EFCAB3: variants seen among roughly 807,000 people sequenced by gnomAD.
EFCAB3 encodes EF-hand calcium-binding domain-containing protein 3.
In EFCAB3, 36 loss-of-function variants were observed where a neutral mutation model predicts 42.2. That is an observed-to-expected ratio of 0.85 (90% CI 0.65 to 1.13). EFCAB3 has a LOEUF of 1.13. Among genes scored for constraint, EFCAB3 ranks in the 50% most tolerant of loss-of-function variants. The pLI, the probability that EFCAB3 is intolerant of heterozygous loss-of-function variation, is 0.00. For missense variants in EFCAB3, 418 were observed against 505.1 expected (o/e 0.83, Z 1.65); for synonymous variants, 170 against 172.8 (o/e 0.98, Z 0.13).
intron 3 of EFCAB3, among the ~76,000 whole-genome samples, chr17:62,389,639 C>T (rs889101423): frequency 9.2e-5 from 14 of 151,950 alleles, no homozygotes; most frequent in African/African-American, 3.4e-4. Context: ...TTCCGTAGAC[C>T]CTCACCTCCA....
Position 62,407,372 on chromosome 17 carries a change from T to C in EFCAB3, c.867+160T>C, listed in dbSNP as rs564762145. On this transcript the variant is annotated intron_variant, in intron 8 of 9. Transcript: ENST00000305286. ...AAATTTAAGTCCAGGTATTAACATT[T>C]CATTTAATTTCAACAAATAGGTAAA... 2.6e-5 allele frequency among the ~76,000 whole-genome samples: 4 copies of C among 152,320 alleles called. No homozygotes were observed. The East Asian group carries it at 7.7e-4, about 29-fold the overall frequency.
At chr17:62,403,948 C>A (rs1191867560) in intron 6 of EFCAB3, among the ~76,000 whole-genome samples, 1 of 152,162 alleles carries the variant, frequency 6.6e-6, no homozygotes, top group African/African-American at 2.4e-5. Context: ...CTGTGCCCAG[C>A]CCTCATCTCT....
chr17:62,383,592 G>T (rs183650520), intron 2 of EFCAB3, among the ~76,000 whole-genome samples: 37 of 152,258 alleles, frequency 2.4e-4, no homozygotes, highest in African/African-American at 7.2e-4. Flanking sequence ...GAATTGAAGA[G>T]AAATATTTTT....
rs200416285 is a variant in EFCAB3, at chr17:62,391,870, T to C, written c.200T>C (p.Ile67Thr). ...TTCTACAAGGACAAAACTGGCTGTA[T>C]TGATTTCCATGGACTGATGTGCACT... is the stretch of plus-strand genomic sequence containing the variant. The part of the protein sequence containing the change: ...NFFYKDKTGC[I>T]DFHGLMCTVA... Residue 67 changes from isoleucine to threonine, a missense_variant, in exon 4 of 10, where the codon ATT becomes ACT. Ile to Thr is a moderately conservative substitution (Grantham distance 89). Coordinates refer to ENST00000305286, the MANE Select transcript of EFCAB3 (RefSeq NM_173503.4). The C allele has an allele frequency of 6.8e-5, 109 of 1,613,752 alleles. No individual in the cohort carries two copies. The highest frequency in any genetic ancestry group is 2.7e-5 in the Non-Finnish European group (32 of 1,179,884).
At chr17:62,382,056 A>G in intron 1 of EFCAB3, 2 of 187,906 alleles carry the variant, frequency 1.1e-5, no homozygotes. Context: ...ACACATCCAA[A>G]AACAAAAACA....
chr17:62,378,089 C>T, upstream of EFCAB3: 1 of 1,266,722 alleles, frequency 7.9e-7, no homozygotes, highest in Non-Finnish European at 1.1e-6. Flanking sequence ...TTTTTTAATA[C>T]CTTAGTTACT....
intron 2 of EFCAB3, among the ~76,000 whole-genome samples, chr17:62,384,978 C>T (rs2070236095): frequency 6.6e-6 from 1 of 152,132 alleles, no homozygotes; most frequent in Admixed American, 6.5e-5. Context: ...GTTCTGAGCA[C>T]ATTTAAGGTA....
upstream of EFCAB3, chr17:62,377,917 T>C (rs897261531): frequency 1.4e-6 from 2 of 1,454,178 alleles, no homozygotes; most frequent in Non-Finnish European, 1.9e-6. Flanking sequence ...TAGTCTACTT[T>C]CCATAACTTC....
chr17:62,371,385 T>A (rs576237740), intron 1 of EFCAB3, among the ~76,000 whole-genome samples: 2 of 149,636 alleles, frequency 1.3e-5, no homozygotes, highest in Non-Finnish European at 3.0e-5. Flanking sequence ...TGAAACCCCG[T>A]CTCTACTAAA....
At chr17:62,382,560 G>GT (rs1230193985) in intron 1 of EFCAB3, among the ~76,000 whole-genome samples, 1 of 152,082 alleles carries the variant, frequency 6.6e-6, no homozygotes, top group Non-Finnish European at 1.5e-5. Flanking sequence ...TTCAAACTTT[G>GT]TATCACCAAC....
At chr17:62,409,401 G>A (rs1318291618) in intron 8 of EFCAB3, among the ~76,000 whole-genome samples, 26 of 152,048 alleles carry the variant, frequency 1.7e-4, no homozygotes, top group Admixed American at 1.6e-3. Flanking sequence ...TGGGTGCAAT[G>A]GTACATACCC....
intron 1 of EFCAB3, among the ~76,000 whole-genome samples, chr17:62,370,656 C>CA (rs557238237): frequency 0.04 from 5,502 of 137,982 alleles, 148 homozygotes; most frequent in Non-Finnish European, 0.056. Flanking sequence ...AACTCTGTCT[C>CA]AAAAAAAAAA....
intron 1 of EFCAB3, chr17:62,381,538 G>A (rs2070198892): frequency 6.5e-6 from 1 of 154,488 alleles, no homozygotes; most frequent in African/African-American, 2.4e-5. Flanking sequence ...GGGGTCTAGG[G>A]TAGCAGAACT....
At chr17:62,387,934 G>C (rs375994958) in intron 3 of EFCAB3, among the ~76,000 whole-genome samples, 90 of 152,310 alleles carry the variant, frequency 5.9e-4, no homozygotes, top group Middle Eastern at 6.8e-3. Context: ...GCCAGGCACG[G>C]TGGCTCACGC....
At chr17:62,401,934 T>C (rs2070406680) in intron 6 of EFCAB3, among the ~76,000 whole-genome samples, 1 of 152,246 alleles carries the variant, frequency 6.6e-6, no homozygotes, top group South Asian at 2.1e-4. Flanking sequence ...TGGAATGTTC[T>C]TCCATTTGTT....
At position 62,395,094 on chromosome 17, in the gene EFCAB3, T is replaced by C. The variant is rs374450013; in HGVS notation, c.394T>C (p.Leu132=). 3.7e-6 allele frequency: 6 copies of C among 1,614,002 alleles called. No individual in the cohort carries two copies. The African/African-American group carries it at 8.0e-5, about 22-fold the overall frequency. ...TCCAGAAAAGGAGACCTGTTTAGAT[T>C]TGGCTGGCAACCCAGGAATCCTATT... ...VVPEKETCLD[L]AGNPGILLFE... is the part of the protein sequence containing the mutation. Residue 132 remains leucine, a synonymous_variant, in exon 6 of 10, where the codon TTG becomes CTG. Transcript: ENST00000305286.
intron 6 of EFCAB3, among the ~76,000 whole-genome samples, chr17:62,405,453 A>G (rs1288267750): frequency 6.6e-6 from 1 of 152,236 alleles, no homozygotes; most frequent in Non-Finnish European, 1.5e-5. Flanking sequence ...CCTATGTATT[A>G]ATGAGAAGCA....
At chr17:62,383,966 A>G (rs1157835674) in intron 2 of EFCAB3, among the ~76,000 whole-genome samples, 1 of 152,198 alleles carries the variant, frequency 6.6e-6, no homozygotes, top group Admixed American at 6.5e-5. Flanking sequence ...ACAAATTTCA[A>G]TTAACAGCCA....
In EFCAB3 at chr17:62,387,424, G is replaced by C; in HGVS notation, c.151+8G>C. ...GTGCTTCACAAATGGCAGGTAATGA[G>C]AATCATCCTCAAAATTGAAGCATAA... is the stretch of plus-strand genomic sequence containing the variant. On this transcript the variant is annotated splice_region_variant and intron_variant, in intron 3 of 9. Transcript: ENST00000305286. 6.2e-7 allele frequency: 1 copy of C among 1,607,960 alleles called. No individual in the cohort carries two copies. Among genetic ancestry groups the C allele is most frequent in the Non-Finnish European group, 8.5e-7 (1 of 1,176,386 alleles).
Sources: allele counts gnomAD v4.1 joint callset (sites outside exome capture counted in the v4.1 genomes callset), GRCh38; gene constraint gnomAD v4.1.1; transcripts MANE v1.5; gene names NCBI Gene and HGNC (gene_info 2026-07-23, HGNC 2026-07-21).